Variants in ATRNL1 observed in about 807,000 individuals in gnomAD.
ATRNL1 encodes the protein attractin like 1.
In ATRNL1, 95 loss-of-function variants were observed where a neutral mutation model predicts 182.7. The ratio of observed to expected loss-of-function variants is 0.52; its 90% confidence interval spans 0.44 to 0.62. The LOEUF is 0.62. Ranked by LOEUF, ATRNL1 falls within the 20% of genes least tolerant of loss-of-function variation. ATRNL1 has a pLI of 0.00. For synonymous variants in ATRNL1, 576 were observed against 568.3 expected, an observed-to-expected ratio of 1.01 and a Z score of -0.19; for missense variants, 1,471 against 1,679.5, an observed-to-expected ratio of 0.88 and a Z score of 2.17.
At chr10:115,739,025 A>G (rs1035204213) in intron 27 of ATRNL1, among the ~76,000 whole-genome samples, 1 of 152,108 alleles carries the variant, frequency 6.6e-6, no homozygotes, top group Non-Finnish European at 1.5e-5. Flanking sequence ...TCATTGCACT[A>G]TTGAAATATT....
intron 26 of ATRNL1, among the ~76,000 whole-genome samples, chr10:115,576,286 TC>T (rs1854703310): frequency 6.6e-6 from 1 of 152,032 alleles, no homozygotes; most frequent in African/African-American, 2.4e-5. Context: ...ATAGGATAAT[TC>T]TTTTTTTCAT....
intron 1 of ATRNL1, among the ~76,000 whole-genome samples, chr10:115,106,005 A>T (rs1554865827): frequency 1.3e-5 from 2 of 152,092 alleles, no homozygotes; most frequent in South Asian, 2.1e-4. Flanking sequence ...AGAACAGTAG[A>T]TGCTCCTACA....
intron 20 of ATRNL1, among the ~76,000 whole-genome samples, chr10:115,405,192 T>C (rs1554957906): frequency 6.6e-6 from 1 of 152,210 alleles, no homozygotes; most frequent in Non-Finnish European, 1.5e-5. Flanking sequence ...TATCAGGGGA[T>C]GAAATAAATA....
At chr10:115,135,475 C>T (rs559842686) in intron 5 of ATRNL1, among the ~76,000 whole-genome samples, 1 of 152,146 alleles carries the variant, frequency 6.6e-6, no homozygotes, top group East Asian at 1.9e-4. Context: ...ATCCAACTTA[C>T]AAGGGACGTG....
intron 19 of ATRNL1, among the ~76,000 whole-genome samples, chr10:115,359,992 A>G (rs1419223085): frequency 1.3e-5 from 2 of 151,682 alleles, no homozygotes; most frequent in Non-Finnish European, 3.0e-5. Context: ...TCAAAGTAGT[A>G]TAAGACTATG....
chr10:115,772,114 C>T (rs1949008781), intron 27 of ATRNL1, among the ~76,000 whole-genome samples: 1 of 152,164 alleles, frequency 6.6e-6, no homozygotes, highest in Non-Finnish European at 1.5e-5. Context: ...AGATGAAGTG[C>T]CACACTAACA....
intron 13 of ATRNL1, 56 bp from the exon 14 acceptor site, chr10:115,281,299 T>TTTTC (rs1288609416): frequency 1.1e-5 from 17 of 1,503,556 alleles, no homozygotes; most frequent in Non-Finnish European, 1.5e-5. Flanking sequence ...TACACTGAAG[T>TTTTC]TTAAGAATCA....
At chr10:115,457,930 A>G (rs1847608676) in intron 21 of ATRNL1, among the ~76,000 whole-genome samples, 1 of 152,018 alleles carries the variant, frequency 6.6e-6, no homozygotes, top group African/African-American at 2.4e-5. Flanking sequence ...AAGTTTTCTT[A>G]TGTGTCTTGA....
intron 19 of ATRNL1, among the ~76,000 whole-genome samples, chr10:115,368,777 G>C (rs1352035541): frequency 2.0e-5 from 3 of 150,766 alleles, no homozygotes; most frequent in Non-Finnish European, 2.9e-5. Context: ...GCAGTGGTGT[G>C]ATCTTGGTTC....
At chr10:115,676,995 C>T (rs531464214) in intron 26 of ATRNL1, among the ~76,000 whole-genome samples, 1 of 152,230 alleles carries the variant, frequency 6.6e-6, no homozygotes, top group Admixed American at 6.5e-5. Context: ...CTCTTATTTA[C>T]AGTACTTCTT....
In ATRNL1 at chr10:115,426,235, T is replaced by C; in HGVS notation, c.3270-15T>C. On this transcript the variant is annotated splice_polypyrimidine_tract_variant and intron_variant, in intron 20 of 28. Transcript: ENST00000355044. Reference sequence around the variant, plus strand: ...TGCATTGTTTAATAGTAAATGAGTTTTTGTGTTTCTGCAGATGTGACTCTG... The same window carrying C: ...TGCATTGTTTAATAGTAAATGAGTTCTTGTGTTTCTGCAGATGTGACTCTG... 1.4e-5 allele frequency: 22 copies of C among 1,610,408 alleles called. No individual in the cohort carries two copies. The highest frequency in any genetic ancestry group is 1.9e-5 in the Non-Finnish European group (22 of 1,177,484).
rs1161409719 is a variant in ATRNL1 at position 115,644,352 on chromosome 10, C to T, written c.3796-82896C>T. Among the ~76,000 whole-genome samples the T allele has an allele frequency of 5.3e-5, 8 of 152,138 alleles. No homozygotes were observed. The East Asian group carries it at 9.6e-4, about 18-fold the overall frequency. On this transcript the variant is annotated intron_variant, in intron 26 of 28. Coordinates refer to ENST00000355044, the MANE Select transcript of ATRNL1 (RefSeq NM_207303.4). ...ACAATGGCCAACCTTACCTTAACTACGCACAGTGTGTACCAAACACTGCTG... is the reference window on the plus strand; with the variant it reads ...ACAATGGCCAACCTTACCTTAACTATGCACAGTGTGTACCAAACACTGCTG...
At chr10:115,384,118 C>G (rs556395233) in intron 19 of ATRNL1, among the ~76,000 whole-genome samples, 1 of 152,058 alleles carries the variant, frequency 6.6e-6, no homozygotes, top group Admixed American at 6.5e-5. Context: ...CATTAAAGCA[C>G]TAAAAGATGC....
intron 28 of ATRNL1, among the ~76,000 whole-genome samples, chr10:115,910,077 T>C (rs1412882780): frequency 6.6e-6 from 1 of 152,092 alleles, no homozygotes; most frequent in Non-Finnish European, 1.5e-5. Flanking sequence ...GTTCCACTTT[T>C]TATGCACCTG....
At chr10:115,679,329 T>TC (rs1555043941) in intron 26 of ATRNL1, among the ~76,000 whole-genome samples, 1 of 151,992 alleles carries the variant, frequency 6.6e-6, no homozygotes, top group Non-Finnish European at 1.5e-5. Flanking sequence ...GTTTTTTTTT[T>TC]AATTCCAGGT....
chr10:115,596,990 TAAA>T (rs5788106), intron 26 of ATRNL1, among the ~76,000 whole-genome samples: 1 of 151,562 alleles, frequency 6.6e-6, no homozygotes, highest in Non-Finnish European at 1.5e-5. Flanking sequence ...CAAAAAAGGT[TAAA>T]AAAAATCCTT....
At chr10:115,580,114 A>G (rs1317335812) in intron 26 of ATRNL1, among the ~76,000 whole-genome samples, 11 of 152,162 alleles carry the variant, frequency 7.2e-5, no homozygotes, top group Admixed American at 6.6e-4. Context: ...TTTACCTTTT[A>G]TAGCAAATTA....
In ATRNL1 at chr10:115,461,937, A is replaced by T; in HGVS notation, c.3323-4A>T. 6.2e-7 allele frequency: 1 copy of T among 1,603,570 alleles called. No homozygotes were observed. The highest frequency in any genetic ancestry group is 8.5e-7 in the Non-Finnish European group (1 of 1,175,122). On this transcript the variant is annotated splice_polypyrimidine_tract_variant and splice_region_variant and intron_variant, in intron 21 of 28. Transcript: ENST00000355044. ...CAGGATTGTACTTTTTTTCCTCCCT[A>T]CAGACAGCCTTTTGATTGATTATCA...
intron 10 of ATRNL1, among the ~76,000 whole-genome samples, chr10:115,263,614 A>G (rs1302504137): frequency 6.6e-6 from 1 of 151,818 alleles, no homozygotes; most frequent in Non-Finnish European, 1.5e-5. Flanking sequence ...ATATGCGATG[A>G]AAACACTTTG....
Sources: allele counts gnomAD v4.1 joint callset (sites outside exome capture counted in the v4.1 genomes callset), GRCh38; gene constraint gnomAD v4.1.1; transcripts MANE v1.5; gene names NCBI Gene and HGNC (gene_info 2026-07-23, HGNC 2026-07-21).